Variants in TJP1 observed in about 807,000 individuals in gnomAD.
TJP1 encodes tight junction protein ZO-1.
TJP1 carries 43 observed loss-of-function variants against 194.2 expected under a neutral mutation model. That is an observed-to-expected ratio of 0.22 (90% CI 0.17 to 0.29). The LOEUF is 0.29. Among genes scored for constraint, TJP1 ranks in the 10% least tolerant of loss-of-function variants. The probability of loss-of-function intolerance (pLI) is 1.00; values close to 1 mark genes in which losing one functional copy is unlikely to be tolerated. For synonymous variants in TJP1, 801 were observed against 779.0 expected (o/e 1.03, Z -0.47); for missense variants, 1,971 against 2,185.7 (o/e 0.90, Z 1.96).
At chr15:29,783,475 A>G (rs1221807267) in intron 2 of TJP1, among the ~76,000 whole-genome samples, 1 of 152,252 alleles carries the variant, frequency 6.6e-6, no homozygotes, top group South Asian at 2.1e-4. Context: ...ATTACTGGGT[A>G]TATACCCAAA....
chr15:29,951,237 G>A (rs887600401), intron 2 of TJP1, among the ~76,000 whole-genome samples: 4 of 151,332 alleles, frequency 2.6e-5, no homozygotes, highest in African/African-American at 4.9e-5. Flanking sequence ...GCATGATTTC[G>A]GCTCACTGCA....
At chr15:29,729,793 A>C (rs2043495026) in intron 15 of TJP1, among the ~76,000 whole-genome samples, 1 of 151,286 alleles carries the variant, frequency 6.6e-6, no homozygotes, top group Non-Finnish European at 1.5e-5. Context: ...ACTGCACTCC[A>C]GCCTGGGCGA....
chr15:29,714,149 G>T (rs2042406013), intron 23 of TJP1, among the ~76,000 whole-genome samples: 3 of 152,160 alleles, frequency 2.0e-5, no homozygotes, highest in Admixed American at 1.3e-4. Context: ...AATAAGCTAA[G>T]TCTTCTTTCT....
At chr15:29,961,507 C>T (rs1195658410) in intron 1 of TJP1, among the ~76,000 whole-genome samples, 1 of 152,134 alleles carries the variant, frequency 6.6e-6, no homozygotes, top group African/African-American at 2.4e-5. Context: ...CCATTTTATC[C>T]TCCCTAGAGG....
At chr15:29,820,380 A>C (rs2050246041) in intron 1 of TJP1, 1 of 616,668 alleles carries the variant, frequency 1.6e-6, no homozygotes, top group African/African-American at 1.8e-5. Context: ...ATAATACAGC[A>C]TCTTAAAAAA....
intron 2 of TJP1, among the ~76,000 whole-genome samples, chr15:29,939,980 A>G (rs942492372): frequency 6.6e-6 from 1 of 152,176 alleles, no homozygotes; most frequent in African/African-American, 2.4e-5. Context: ...AAGCATTAAG[A>G]CACCATGCAC....
chr15:29,822,437 G>T lies in TJP1; in HGVS notation c.-409C>A. 1 of 987,918 alleles carries T rather than the reference G, an allele frequency of 1.0e-6. No individual in the cohort carries two copies. The allele number at this position is 987,918 out of a possible 1,614,324, so 61.2% of individuals were successfully genotyped here. ...GCCGCCAAGGAACGCGGCGTCCGCT[G>T]GCTCAGCCGGCGCCGGCAACTCAGC... On this transcript the variant is annotated 5_prime_UTR_variant, in exon 1 of 28. Coordinates refer to ENST00000614355, the MANE Select transcript of TJP1 (RefSeq NM_001330239.4).
chr15:29,713,336 G>C lies in TJP1; in HGVS notation c.4203-2336C>G, dbSNP rs1389927123. ...TCCTGGAAACTTCTAATTTACTTTG[G>C]AGGTGAATGTCTAAGCTACTGTCTC... On this transcript the variant is annotated intron_variant, in intron 23 of 27. Transcript: ENST00000614355. 2.6e-5 allele frequency among the ~76,000 whole-genome samples: 4 copies of C among 152,202 alleles called. No homozygotes were observed. The East Asian group carries it at 7.7e-4, about 29-fold the overall frequency.
chr15:29,752,396 G>A (rs1405155823), intron 8 of TJP1, among the ~76,000 whole-genome samples: 1 of 152,110 alleles, frequency 6.6e-6, no homozygotes, highest in Non-Finnish European at 1.5e-5. Flanking sequence ...AAGCCATCGT[G>A]CCTGGCCTAC....
At chr15:29,882,299 T>C (rs1184428954) in intron 2 of TJP1, among the ~76,000 whole-genome samples, 2 of 152,160 alleles carry the variant, frequency 1.3e-5, no homozygotes, top group Admixed American at 6.5e-5. Context: ...GGAGAGGACA[T>C]GTCAGTAGGC....
intron 2 of TJP1, among the ~76,000 whole-genome samples, chr15:29,872,471 C>T (rs1174418771): frequency 6.6e-6 from 1 of 152,148 alleles, no homozygotes; most frequent in Non-Finnish European, 1.5e-5. Flanking sequence ...TTGCAATAGA[C>T]CATGTTCCAC....
rs761054129 is a variant in TJP1 at position 29,732,826 on chromosome 15, A to G, written c.1737-11T>C. 5 of 1,561,928 alleles carry G rather than the reference A, an allele frequency of 3.2e-6. No individual in the cohort carries two copies. The highest frequency in any genetic ancestry group is 2.3e-5 in the East Asian group (1 of 44,416). On this transcript the variant is annotated splice_polypyrimidine_tract_variant and intron_variant, in intron 13 of 27. Transcript: ENST00000614355. ...GCTAGCTGCTCAGCTCTACACAAGA[A>G]AGGAGAAAATTAAAATAAGGGCATT...
chr15:29,765,796 G>A (rs1392958271), intron 5 of TJP1, among the ~76,000 whole-genome samples: 1 of 152,198 alleles, frequency 6.6e-6, no homozygotes, highest in Non-Finnish European at 1.5e-5. Context: ...GGAGGCTGAA[G>A]TGGGAGGACT....
chr15:29,968,771 G>T, exon 1 of TJP1: 1 of 1,222,354 alleles, frequency 8.2e-7, no homozygotes, highest in Non-Finnish European at 1.1e-6. Context: ...TCTTGTCCCC[G>T]CTCCGCTCGC....
chr15:29,890,161 C>T (rs1328120866), intron 2 of TJP1, among the ~76,000 whole-genome samples: 1 of 152,272 alleles, frequency 6.6e-6, no homozygotes, highest in African/African-American at 2.4e-5. Flanking sequence ...GAGTCCACCT[C>T]GCCAAATGTG....
chr15:29,784,743 G>A (rs988152303), intron 2 of TJP1, among the ~76,000 whole-genome samples: 4 of 152,078 alleles, frequency 2.6e-5, no homozygotes, highest in Admixed American at 6.6e-5. Context: ...TCAAAATGAC[G>A]AGATACATGG....
chr15:29,778,100 T>C (rs2047130507), intron 2 of TJP1, among the ~76,000 whole-genome samples: 1 of 152,044 alleles, frequency 6.6e-6, no homozygotes, highest in Non-Finnish European at 1.5e-5. Flanking sequence ...GAGCATACAT[T>C]TAAAAAAATT....
intron 27 of TJP1, among the ~76,000 whole-genome samples, chr15:29,703,894 C>G (rs1450407199): frequency 1.3e-5 from 2 of 152,206 alleles, no homozygotes; most frequent in Non-Finnish European, 1.5e-5. Flanking sequence ...CCACTTGCCT[C>G]AGCCTCCCAA....
intron 8 of TJP1, chr15:29,760,442 C>A: frequency 3.6e-6 from 2 of 553,716 alleles, no homozygotes. Context: ...GTGGTGCGAT[C>A]TCGGCTCACT....
Sources: allele counts gnomAD v4.1 joint callset (sites outside exome capture counted in the v4.1 genomes callset), GRCh38; gene constraint gnomAD v4.1.1; transcripts MANE v1.5; gene names NCBI Gene and HGNC (gene_info 2026-07-23, HGNC 2026-07-21).